The following SLC4A4 variants were observed in gnomAD, a reference collection of about 807,000 sequenced individuals.
SLC4A4 encodes the protein electrogenic sodium bicarbonate cotransporter 1.
A neutral mutation model predicts 111.5 loss-of-function variants in SLC4A4; 27 were observed. The ratio of observed to expected loss-of-function variants is 0.24; its 90% CI spans 0.18 to 0.33. SLC4A4 has a LOEUF of 0.33. Among genes scored for constraint, SLC4A4 ranks in the 10% least tolerant of loss-of-function variants. The pLI is 1.00. For missense variants in SLC4A4, 909 were observed against 1,315.5 expected (o/e 0.69, Z 4.78); for synonymous variants, 443 against 463.4 (o/e 0.96, Z 0.57).
chr4:71,280,763 TTC>T (rs1316740555), intron 3 of SLC4A4, among the ~76,000 whole-genome samples: 1 of 152,182 alleles, frequency 6.6e-6, no homozygotes, highest in Non-Finnish European at 1.5e-5. Flanking sequence ...GAAGATTTTT[TTC>T]TCTGTTATCT....
At chr4:71,097,400 C>T (rs1742587154) in intron 2 of SLC4A4, among the ~76,000 whole-genome samples, 1 of 152,084 alleles carries the variant, frequency 6.6e-6, no homozygotes, top group South Asian at 2.1e-4. Flanking sequence ...GTATATATAC[C>T]ACATTTTCTT....
intron 2 of SLC4A4, among the ~76,000 whole-genome samples, chr4:71,101,496 C>G (rs1183374274): frequency 6.6e-6 from 1 of 152,154 alleles, no homozygotes; most frequent in African/African-American, 2.4e-5. Flanking sequence ...CTCTTTTCAT[C>G]TTGCAAAACT....
chr4:71,170,093 G>A (rs1744896269), intron 2 of SLC4A4, among the ~76,000 whole-genome samples: 1 of 152,188 alleles, frequency 6.6e-6, no homozygotes, highest in South Asian at 2.1e-4. Context: ...TTTAACGTGA[G>A]CTGTTGCCTC....
chr4:71,336,550 C>G (rs1328612025), intron 3 of SLC4A4, among the ~76,000 whole-genome samples: 1 of 152,126 alleles, frequency 6.6e-6, no homozygotes, highest in Admixed American at 6.5e-5. Context: ...TTGCCTTCTT[C>G]CTGTTGTACA....
chr4:71,453,096 AT>A (rs879597012), intron 11 of SLC4A4, among the ~76,000 whole-genome samples: 1 of 152,170 alleles, frequency 6.6e-6, no homozygotes, highest in Non-Finnish European at 1.5e-5. Flanking sequence ...GAAAGAATGA[AT>A]GATGAATAAA....
At chr4:71,186,160 C>T (rs1436784428), upstream of SLC4A4, among the ~76,000 whole-genome samples, 1 of 152,140 alleles carries the variant, frequency 6.6e-6, no homozygotes, top group Non-Finnish European at 1.5e-5. Flanking sequence ...GTACTTGAAC[C>T]TCATTATTAG....
intron 1 of SLC4A4, chr4:71,233,210 C>A: frequency 1.1e-6 from 1 of 948,352 alleles, no homozygotes; most frequent in Non-Finnish European, 1.3e-6. Context: ...CTTGTGCCTG[C>A]AACATAGTAG....
At chr4:71,096,051 G>A (rs1462581417) in intron 2 of SLC4A4, among the ~76,000 whole-genome samples, 1 of 152,090 alleles carries the variant, frequency 6.6e-6, no homozygotes, top group African/African-American at 2.4e-5. Flanking sequence ...CTCCCTTCCT[G>A]CACTCTAGGA....
intron 1 of SLC4A4, among the ~76,000 whole-genome samples, chr4:71,217,082 G>A (rs996065837): frequency 6.6e-6 from 1 of 152,206 alleles, no homozygotes; most frequent in African/African-American, 2.4e-5. Flanking sequence ...GGGACAAGAT[G>A]TGGAGAATAA....
At chr4:71,178,495 T>C (rs556482343) in intron 2 of SLC4A4, among the ~76,000 whole-genome samples, 4 of 152,030 alleles carry the variant, frequency 2.6e-5, no homozygotes, top group Admixed American at 6.5e-5. Flanking sequence ...AAGAATCAAA[T>C]AGATGCAATA....
At chr4:71,355,157 C>T (rs944260750) in intron 5 of SLC4A4, among the ~76,000 whole-genome samples, 1 of 152,144 alleles carries the variant, frequency 6.6e-6, no homozygotes, top group Non-Finnish European at 1.5e-5. Flanking sequence ...GCTGTGCATA[C>T]ATAAAGATTG....
intron 3 of SLC4A4, among the ~76,000 whole-genome samples, chr4:71,267,339 A>G (rs892454890): frequency 6.6e-5 from 10 of 152,130 alleles, no homozygotes; most frequent in African/African-American, 2.2e-4. Flanking sequence ...GATCTGAAGG[A>G]TGAGAAAAAA....
chr4:71,098,973 C>A (rs1385209752), intron 2 of SLC4A4, among the ~76,000 whole-genome samples: 1 of 152,108 alleles, frequency 6.6e-6, no homozygotes, highest in African/African-American at 2.4e-5. Context: ...TTCTTGGAGA[C>A]CTACAAAGAA....
rs535836375 is a variant in SLC4A4 at position 71,501,209 on chromosome 4, T to C, written c.2166+3517T>C. Among the ~76,000 whole-genome samples the C allele has an allele frequency of 1.5e-3, 233 of 152,316 alleles. 3 individuals are homozygous for C. Among genetic ancestry groups the C allele is most frequent in the Non-Finnish European group, 2.1e-3 (145 of 68,022 alleles). On this transcript the variant is annotated intron_variant, in intron 16 of 25. Coordinates refer to ENST00000264485, the MANE Select transcript of SLC4A4 (RefSeq NM_001098484.3). ...TTTATTCTTAAATGTTTTATTCTTT[T>C]GTAGCTATTGTAAGTGGGATTGTGA...
chr4:71,233,312 G>C, intron 1 of SLC4A4: 1 of 985,330 alleles, frequency 1.0e-6, no homozygotes, highest in Middle Eastern at 5.2e-4. Flanking sequence ...ACTGTGTGTG[G>C]TATGTAAAAA....
chr4:71,143,413 G>A (rs1377201105), intron 2 of SLC4A4, among the ~76,000 whole-genome samples: 2 of 152,146 alleles, frequency 1.3e-5, no homozygotes, highest in African/African-American at 4.8e-5. Context: ...AGACATACGT[G>A]TGCATGTGTC....
chr4:71,566,664 A>G (rs1490642121), intron 24 of SLC4A4, among the ~76,000 whole-genome samples: 4 of 151,794 alleles, frequency 2.6e-5, no homozygotes, highest in African/African-American at 9.7e-5. Context: ...CCTTATGAAC[A>G]ACAGCAGGCA....
At chr4:71,549,467 C>T (rs1459891839) in intron 20 of SLC4A4, among the ~76,000 whole-genome samples, 2 of 151,824 alleles carry the variant, frequency 1.3e-5, no homozygotes, top group African/African-American at 4.8e-5. Context: ...TGCAGAGTTT[C>T]TTTTATGAGC....
Position 71,064,795 on chromosome 4 carries a change from CT to C in SLC4A4, c.-65+2008del, listed in dbSNP as rs1578445702. On this transcript the variant is annotated intron_variant, in intron 1 of 26. Transcript: ENST00000649996. ...GGAATGGCTTTAGCATCTGATAGACCTAGGTTAAAATTTGCGCTGTGCCACT... is the reference window on the plus strand; with the variant it reads ...GGAATGGCTTTAGCATCTGATAGACCAGGTTAAAATTTGCGCTGTGCCACT... 2.0e-5 allele frequency among the ~76,000 whole-genome samples: 3 copies of C among 152,130 alleles called. No homozygotes were observed. The East Asian group carries it at 5.8e-4, about 29-fold the overall frequency.
Sources: gnomAD v4.1 joint callset for allele counts (sites outside exome capture counted in the v4.1 genomes callset) on GRCh38, gnomAD v4.1.1 for gene constraint, MANE v1.5 for transcripts, NCBI Gene and HGNC (gene_info 2026-07-23, HGNC 2026-07-21) for gene names.